The following CACNA2D3 variants were observed in gnomAD, a reference collection of about 807,000 sequenced individuals.
CACNA2D3 encodes the protein calcium voltage-gated channel auxiliary subunit alpha2delta 3, also known as voltage-dependent calcium channel subunit alpha-2/delta-3.
A neutral mutation model predicts 160.6 loss-of-function variants in CACNA2D3; 60 were observed. The observed-to-expected ratio is 0.37, with a 90% CI of 0.30 to 0.46. CACNA2D3 has a LOEUF of 0.46. CACNA2D3 is among the 20% of genes least tolerant of loss of function. CACNA2D3 has a pLI of 1.00. For missense variants in CACNA2D3, 1,205 were observed against 1,365.0 expected, an observed-to-expected ratio of 0.88 and a Z score of 1.85; for synonymous variants, 558 against 492.9, an observed-to-expected ratio of 1.13 and a Z score of -1.75.
chr3:54,143,099 T>C (rs950152011), intron 2 of CACNA2D3, among the ~76,000 whole-genome samples: 4 of 152,250 alleles, frequency 2.6e-5, no homozygotes, highest in Admixed American at 2.6e-4. Context: ...GTAGCAAGGC[T>C]AAGACACACA....
intron 5 of CACNA2D3, among the ~76,000 whole-genome samples, chr3:54,520,152 T>C (rs1464274871): frequency 6.6e-6 from 1 of 152,232 alleles, no homozygotes; most frequent in Non-Finnish European, 1.5e-5. Context: ...CTGAAGTTCA[T>C]TACATGTGCA....
chr3:54,969,560 C>T (rs545089623), intron 28 of CACNA2D3, among the ~76,000 whole-genome samples: 2 of 152,084 alleles, frequency 1.3e-5, no homozygotes, highest in South Asian at 2.1e-4. Context: ...GTGCCTGCCC[C>T]ACCCCGCTCA....
chr3:54,582,171 T>C (rs1408981241), intron 9 of CACNA2D3, among the ~76,000 whole-genome samples: 1 of 152,228 alleles, frequency 6.6e-6, no homozygotes, highest in Non-Finnish European at 1.5e-5. Flanking sequence ...CTTGAAAGAA[T>C]ATGGCTCTTG....
rs546506532 is a variant in CACNA2D3, at chr3:55,028,656, ATAAT to A, written c.2987+10344_2987+10347del. On this transcript the variant is annotated intron_variant, in intron 35 of 37. Transcript: ENST00000474759. The stretch of plus-strand genomic sequence containing the variant: ...AAATAGTTAGAACCAGTTAAGAAAA[ATAAT>A]TAATCAAAAATAAAACTTTAAACAC... 2.1e-3 allele frequency among the ~76,000 whole-genome samples: 326 copies of A among 152,376 alleles called. 1 individual carries two copies. The highest frequency in any genetic ancestry group is 7.5e-3 in the African/African-American group (311 of 41,598).
rs1703461168 is a variant in CACNA2D3, at chr3:54,300,885, G to T, written c.205-19557G>T. Among the ~76,000 whole-genome samples the T allele has an allele frequency of 2.0e-5, 3 of 152,062 alleles. No homozygotes were observed. In the South Asian group the frequency reaches 6.2e-4, roughly 32 times the overall value. On this transcript the variant is annotated intron_variant, in intron 2 of 37. Transcript: ENST00000474759. Reference sequence around the variant, plus strand: ...TGTTTTAAAAAATTAGCTGGGCATGGTGGTGTGCACCCATAGTCCCAGCTA... The same window carrying T: ...TGTTTTAAAAAATTAGCTGGGCATGTTGGTGTGCACCCATAGTCCCAGCTA...
intron 17 of CACNA2D3, among the ~76,000 whole-genome samples, chr3:54,869,353 C>G (rs1045069016): frequency 6.6e-6 from 1 of 152,120 alleles, no homozygotes; most frequent in African/African-American, 2.4e-5. Context: ...AATAAATTGA[C>G]CTTAAAGAAG....
At chr3:54,821,658 T>TTC (rs1409270553) in intron 14 of CACNA2D3, among the ~76,000 whole-genome samples, 7 of 85,230 alleles carry the variant, frequency 8.2e-5, no homozygotes, top group Non-Finnish European at 1.6e-4. Context: ...CTTTCTTTCT[T>TTC]TCTTTCTTTC....
intron 2 of CACNA2D3, among the ~76,000 whole-genome samples, chr3:54,319,199 C>CACACACACAT (rs1291286123): frequency 0.011 from 1,603 of 149,246 alleles, 17 homozygotes; most frequent in East Asian, 0.036. Context: ...CACACACACA[C>CACACACACAT]ACCCTTCCTC....
intron 13 of CACNA2D3, among the ~76,000 whole-genome samples, chr3:54,798,807 T>C (rs1056458298): frequency 2.0e-5 from 3 of 152,178 alleles, no homozygotes; most frequent in Non-Finnish European, 4.4e-5. Flanking sequence ...GTTTTTCACT[T>C]AAATCTTTTA....
intron 35 of CACNA2D3, among the ~76,000 whole-genome samples, chr3:55,034,740 A>G (rs1272868004): frequency 6.6e-6 from 1 of 152,122 alleles, no homozygotes; most frequent in South Asian, 2.1e-4. Flanking sequence ...ATATTTCTGC[A>G]ACATAATTTC....
intron 2 of CACNA2D3, among the ~76,000 whole-genome samples, chr3:54,232,692 T>C (rs956588543): frequency 6.6e-6 from 1 of 152,176 alleles, no homozygotes; most frequent in South Asian, 2.1e-4. Context: ...AGTCTTTCCC[T>C]AATATTGGAT....
In CACNA2D3 at chr3:54,700,869, C is replaced by G. The variant is rs74907040; in HGVS notation, c.1168-51730C>G. ...AAAACTACTTGCCCAAGTCTCAAAACTGTTCAGTGAAAAAACGAAGACCTA... is the reference window on the plus strand; with the variant it reads ...AAAACTACTTGCCCAAGTCTCAAAAGTGTTCAGTGAAAAAACGAAGACCTA... On this transcript the variant is annotated intron_variant, in intron 11 of 37. Transcript: ENST00000474759. 6.5e-3 allele frequency among the ~76,000 whole-genome samples: 993 copies of G among 152,318 alleles called. 7 individuals are homozygous for G. The highest frequency in any genetic ancestry group is 0.012 in the Non-Finnish European group (831 of 68,026).
intron 14 of CACNA2D3, among the ~76,000 whole-genome samples, chr3:54,817,449 G>C (rs1703481736): frequency 6.6e-6 from 1 of 152,156 alleles, no homozygotes; most frequent in African/African-American, 2.4e-5. Context: ...TCTGTGTCCA[G>C]AAAGACTCCA....
At chr3:54,787,608 G>C (rs560067546) in intron 13 of CACNA2D3, among the ~76,000 whole-genome samples, 1 of 152,188 alleles carries the variant, frequency 6.6e-6, no homozygotes, top group African/African-American at 2.4e-5. Context: ...AGGCCTTTGA[G>C]TTTATATACT....
intron 2 of CACNA2D3, among the ~76,000 whole-genome samples, chr3:54,164,268 C>T (rs913002887): frequency 1.3e-5 from 2 of 152,204 alleles, no homozygotes; most frequent in African/African-American, 2.4e-5. Context: ...TCCCCAAACC[C>T]TCCAGGAGTT....
At chr3:54,808,240 A>G (rs1309739977) in intron 13 of CACNA2D3, among the ~76,000 whole-genome samples, 1 of 152,102 alleles carries the variant, frequency 6.6e-6, no homozygotes, top group Non-Finnish European at 1.5e-5. Flanking sequence ...AGTAAGAAAA[A>G]TTCAGTTCAC....
At chr3:54,955,808 A>T (rs75503387) in intron 27 of CACNA2D3, among the ~76,000 whole-genome samples, 117 of 152,200 alleles carry the variant, frequency 7.7e-4, no homozygotes, top group Admixed American at 1.8e-3. Flanking sequence ...TGCCAGCCCC[A>T]CCTCACAGCC....
chr3:54,738,322 G>C (rs1358552927), intron 11 of CACNA2D3, among the ~76,000 whole-genome samples: 1 of 152,136 alleles, frequency 6.6e-6, no homozygotes, highest in Admixed American at 6.5e-5. Context: ...TCTAGGAAAA[G>C]CTCTAGTCTC....
intron 2 of CACNA2D3, among the ~76,000 whole-genome samples, chr3:54,163,519 T>C (rs1470388660): frequency 6.6e-6 from 1 of 152,190 alleles, no homozygotes; most frequent in African/African-American, 2.4e-5. Context: ...AAGTGCATGT[T>C]TCACTTCCTG....
Sources: gnomAD v4.1 joint callset for allele counts (sites outside exome capture counted in the v4.1 genomes callset) on GRCh38, gnomAD v4.1.1 for gene constraint, MANE v1.5 for transcripts, NCBI Gene and HGNC (gene_info 2026-07-23, HGNC 2026-07-21) for gene names.